TMTC2: variants seen among roughly 807,000 people sequenced by gnomAD.
TMTC2 encodes transmembrane O-mannosyltransferase targeting cadherins 2, also known as protein O-mannosyl-transferase TMTC2.
TMTC2 carries 43 observed loss-of-function variants against 82.4 expected under a neutral mutation model. That is an observed-to-expected ratio of 0.52 (90% CI 0.41 to 0.67). The LOEUF is 0.67. Ranked by LOEUF, TMTC2 falls within the 30% of genes least tolerant of loss-of-function variation. The pLI is 0.00. For missense variants in TMTC2, 919 were observed against 1,012.4 expected (o/e 0.91, Z 1.25); for synonymous variants, 408 against 381.9 (o/e 1.07, Z -0.80).
chr12:82,857,508 A>C lies in TMTC2; in HGVS notation c.582A>C (p.Ala194=). 1 of 1,614,184 alleles carries C rather than the reference A, an allele frequency of 6.2e-7. No individual in the cohort carries two copies. The highest frequency in any genetic ancestry group is 8.5e-7 in the Non-Finnish European group (1 of 1,180,020). The change falls in exon 2 of 12, where the codon GCA becomes GCC. Residue 194 remains alanine (A), a synonymous_variant. Transcript: ENST00000321196. ...AGGAACAAGGAGTGACTGTTCTCGC[A>C]GTTTCAGCAGTTTATGATGTCTTTG... The part of the protein sequence containing the change: ...LWKEQGVTVL[A]VSAVYDVFVF...
At chr12:82,770,653 A>G (rs988794759) in intron 1 of TMTC2, among the ~76,000 whole-genome samples, 61 of 152,034 alleles carry the variant, frequency 4.0e-4, no homozygotes, top group African/African-American at 1.5e-3. Flanking sequence ...ACATAGCTCT[A>G]CTTTATTTTA....
At chr12:82,726,713 T>G (rs2136933409) in intron 1 of TMTC2, among the ~76,000 whole-genome samples, 1 of 151,966 alleles carries the variant, frequency 6.6e-6, no homozygotes. Context: ...ACCCTGTCTC[T>G]ACTAAAATTA....
chr12:82,819,991 G>A (rs1041921322), intron 1 of TMTC2, among the ~76,000 whole-genome samples: 1 of 152,114 alleles, frequency 6.6e-6, no homozygotes, highest in African/African-American at 2.4e-5. Context: ...TTCAAAAGTG[G>A]GGAAGCCAAC....
chr12:82,846,245 C>T (rs1428704076), intron 1 of TMTC2, among the ~76,000 whole-genome samples: 1 of 152,066 alleles, frequency 6.6e-6, no homozygotes. Flanking sequence ...ATAGTCCCAG[C>T]TACTTGGGAG....
chr12:82,924,854 C>G (rs1231891209), intron 3 of TMTC2, among the ~76,000 whole-genome samples: 1 of 152,102 alleles, frequency 6.6e-6, no homozygotes, highest in Admixed American at 6.6e-5. Flanking sequence ...ATCACAAAAT[C>G]CCTCACTGAA....
At chr12:82,806,481 C>A (rs1241920271) in intron 1 of TMTC2, among the ~76,000 whole-genome samples, 1 of 152,036 alleles carries the variant, frequency 6.6e-6, no homozygotes, top group Non-Finnish European at 1.5e-5. Context: ...AGATACGGAA[C>A]GTGGATATAC....
chr12:82,821,038 T>C (rs1168379169), intron 1 of TMTC2, among the ~76,000 whole-genome samples: 2 of 152,164 alleles, frequency 1.3e-5, no homozygotes, highest in African/African-American at 2.4e-5. Context: ...TTTTTTTTTT[T>C]CGTAGAGGAA....
At chr12:82,718,927 A>T (rs1412118806) in intron 1 of TMTC2, among the ~76,000 whole-genome samples, 1 of 151,570 alleles carries the variant, frequency 6.6e-6, no homozygotes, top group East Asian at 1.9e-4. Flanking sequence ...ATTCATGCCC[A>T]TTCTATAATC....
chr12:82,899,572 GGAATATATATATATAA>G (rs1440094989), intron 3 of TMTC2, among the ~76,000 whole-genome samples: 4 of 120,424 alleles, frequency 3.3e-5, no homozygotes, highest in African/African-American at 1.5e-4. Context: ...ATATATATGT[GGAATATATATATATAA>G]GAATATATAT....
At chr12:82,956,346 A>C (rs1006546129) in intron 4 of TMTC2, among the ~76,000 whole-genome samples, 1 of 152,278 alleles carries the variant, frequency 6.6e-6, no homozygotes, top group African/African-American at 2.4e-5. Flanking sequence ...TCTCACACAT[A>C]ATATGACACC....
chr12:82,767,783 A>G (rs1296890906), intron 1 of TMTC2, among the ~76,000 whole-genome samples: 5 of 152,072 alleles, frequency 3.3e-5, no homozygotes, highest in African/African-American at 9.7e-5. Flanking sequence ...TCTTCTTACG[A>G]AAATTGAAAT....
intron 10 of TMTC2, among the ~76,000 whole-genome samples, chr12:83,057,098 T>C (rs1474761315): frequency 1.3e-5 from 2 of 151,950 alleles, no homozygotes; most frequent in Admixed American, 1.3e-4. Context: ...AGTGGTAATT[T>C]ACTACATGTG....
chr12:82,797,473 C>G (rs779520657), intron 1 of TMTC2, among the ~76,000 whole-genome samples: 2 of 152,102 alleles, frequency 1.3e-5, no homozygotes, highest in Non-Finnish European at 2.9e-5. Context: ...GTAGCAGCAC[C>G]TCTGGTACGG....
intron 8 of TMTC2, among the ~76,000 whole-genome samples, chr12:83,007,510 G>A (rs530873031): frequency 6.6e-6 from 1 of 152,176 alleles, no homozygotes; most frequent in South Asian, 2.1e-4. Context: ...ATACCTTTAA[G>A]TGACATTAAA....
chr12:83,063,834 C>A (rs1882825096), intron 11 of TMTC2, among the ~76,000 whole-genome samples: 1 of 151,772 alleles, frequency 6.6e-6, no homozygotes, highest in African/African-American at 2.4e-5. Context: ...GTATGTCAGA[C>A]AGTGATAAGT....
At chr12:82,835,900 G>A (rs1870010836) in intron 1 of TMTC2, among the ~76,000 whole-genome samples, 1 of 152,160 alleles carries the variant, frequency 6.6e-6, no homozygotes, top group African/African-American at 2.4e-5. Context: ...ACATAGCAGA[G>A]GCCCTGTAAA....
At chr12:83,085,959 C>G (rs1273480691) in intron 11 of TMTC2, among the ~76,000 whole-genome samples, 1 of 152,096 alleles carries the variant, frequency 6.6e-6, no homozygotes, top group African/African-American at 2.4e-5. Context: ...GTAGTCTTGC[C>G]TTTGTGTAAT....
At chr12:82,972,211 T>C (rs948401982) in intron 7 of TMTC2, among the ~76,000 whole-genome samples, 1 of 152,168 alleles carries the variant, frequency 6.6e-6, no homozygotes, top group Non-Finnish European at 1.5e-5. Context: ...AAATGTGTGA[T>C]AATGGCCCAT....
At chr12:83,079,530 T>C (rs1883393706) in intron 11 of TMTC2, among the ~76,000 whole-genome samples, 1 of 152,152 alleles carries the variant, frequency 6.6e-6, no homozygotes, top group Admixed American at 6.5e-5. Flanking sequence ...TTATAATAGA[T>C]TTTACCTTCT....
Sources: allele counts gnomAD v4.1 joint callset (sites outside exome capture counted in the v4.1 genomes callset), GRCh38; gene constraint gnomAD v4.1.1; transcripts MANE v1.5; gene names NCBI Gene and HGNC (gene_info 2026-07-23, HGNC 2026-07-21).